CD247: variants seen among roughly 807,000 people sequenced by gnomAD.
The protein encoded by CD247 is T-cell surface glycoprotein CD3 zeta chain.
In CD247, 13 loss-of-function variants were observed where a neutral mutation model predicts 30.0. The ratio of observed to expected loss-of-function variants is 0.43; its 90% CI spans 0.28 to 0.69. The LOEUF (loss-of-function observed/expected upper bound fraction) is 0.69. CD247 is among the 30% of genes least tolerant of loss of function. CD247 has a pLI of 0.16. For missense variants in CD247, 193 were observed against 212.6 expected, an observed-to-expected ratio of 0.91 and a Z score of 0.57; for synonymous variants, 72 against 80.0, an observed-to-expected ratio of 0.90 and a Z score of 0.53.
intron 3 of CD247, among the ~76,000 whole-genome samples, 183 bp from the exon 4 acceptor site, chr1:167,438,833 C>T (rs1179169445): frequency 1.3e-5 from 2 of 152,090 alleles, no homozygotes; most frequent in African/African-American, 4.8e-5. Flanking sequence ...TCAGAGAACA[C>T]GCCTTAACAT....
intron 1 of CD247, among the ~76,000 whole-genome samples, chr1:167,503,817 G>T (rs1472963351): frequency 6.6e-6 from 1 of 151,946 alleles, no homozygotes; most frequent in East Asian, 1.9e-4. Context: ...TACCGGTTAG[G>T]GTGCCAAAGG....
chr1:167,497,019 G>A (rs1394250268), intron 1 of CD247, among the ~76,000 whole-genome samples: 1 of 152,226 alleles, frequency 6.6e-6, no homozygotes, highest in East Asian at 1.9e-4. Flanking sequence ...TGTGAGCACA[G>A]ATGTATGCAC....
intron 1 of CD247, among the ~76,000 whole-genome samples, chr1:167,505,346 A>G (rs1240979140): frequency 1.3e-5 from 2 of 152,146 alleles, no homozygotes; most frequent in African/African-American, 2.4e-5. Context: ...AATACATGGT[A>G]TTTTTGTCAC....
chr1:167,477,464 C>T (rs1653797791), intron 1 of CD247, among the ~76,000 whole-genome samples: 1 of 152,216 alleles, frequency 6.6e-6, no homozygotes, highest in Admixed American at 6.5e-5. Context: ...GAGCTTCCTT[C>T]CTCACTGATC....
intron 5 of CD247, chr1:167,434,899 C>T (rs1208202879): frequency 2.1e-6 from 1 of 468,210 alleles, no homozygotes; most frequent in Admixed American, 2.3e-5. Flanking sequence ...CAACCGCCTT[C>T]CTCTGGAGCC....
intron 6 of CD247, among the ~76,000 whole-genome samples, chr1:167,433,497 A>G (rs549839634): frequency 1.3e-5 from 2 of 152,202 alleles, no homozygotes; most frequent in Non-Finnish European, 2.9e-5. Context: ...ACCTTGGGTA[A>G]GTCACTCAAC....
intron 1 of CD247, among the ~76,000 whole-genome samples, chr1:167,496,877 C>G (rs941441114): frequency 1.3e-5 from 2 of 152,086 alleles, no homozygotes; most frequent in African/African-American, 4.8e-5. Context: ...AGGAGATAGC[C>G]CTGGAACTTA....
chr1:167,448,977 C>T (rs950159511), intron 1 of CD247, among the ~76,000 whole-genome samples: 1 of 152,136 alleles, frequency 6.6e-6, no homozygotes, highest in Non-Finnish European at 1.5e-5. Context: ...TTGTTCAAAA[C>T]TACCTACAAA....
At chr1:167,505,293 G>A (rs979386172) in intron 1 of CD247, among the ~76,000 whole-genome samples, 4 of 152,016 alleles carry the variant, frequency 2.6e-5, no homozygotes, top group Non-Finnish European at 5.9e-5. Context: ...TTGAGATACG[G>A]TTTACATACC....
At chr1:167,441,322 C>T (rs886566067) in intron 1 of CD247, among the ~76,000 whole-genome samples, 15 of 152,216 alleles carry the variant, frequency 9.9e-5, no homozygotes, top group African/African-American at 2.9e-4. Context: ...AGCACTCTCC[C>T]GCCTAGGACA....
At chr1:167,461,271 C>T (rs1372871360) in intron 1 of CD247, among the ~76,000 whole-genome samples, 1 of 152,240 alleles carries the variant, frequency 6.6e-6, no homozygotes, top group Non-Finnish European at 1.5e-5. Context: ...TCCTCAGGAC[C>T]TCTCACCTGG....
intron 1 of CD247, among the ~76,000 whole-genome samples, chr1:167,514,858 G>T (rs1312077400): frequency 6.6e-6 from 1 of 152,148 alleles, no homozygotes; most frequent in Non-Finnish European, 1.5e-5. Flanking sequence ...AGGGCAACTG[G>T]ACCCTTCTAA....
At chr1:167,437,028 C>T (rs1346158390) in intron 4 of CD247, among the ~76,000 whole-genome samples, 1 of 152,168 alleles carries the variant, frequency 6.6e-6, no homozygotes, top group Non-Finnish European at 1.5e-5. Context: ...TCTATACTCC[C>T]ATGTTGATTG....
At chr1:167,432,911 C>A in intron 7 of CD247, 113 bp downstream of exon 7, 1 of 1,190,582 alleles carries the variant, frequency 8.4e-7, no homozygotes, top group South Asian at 1.2e-5. Context: ...TGGGCTTGCC[C>A]TGCCCAGCTG....
chr1:167,518,277 C>T (rs1655703223), intron 1 of CD247, 131 bp downstream of exon 1: 1 of 833,928 alleles, frequency 1.2e-6, no homozygotes, highest in Non-Finnish European at 2.0e-6. Flanking sequence ...GCTCACTTGC[C>T]CATTGATTTG....
intron 1 of CD247, among the ~76,000 whole-genome samples, chr1:167,491,308 C>G (rs1295993768): frequency 3.3e-5 from 5 of 152,214 alleles, no homozygotes; most frequent in Non-Finnish European, 7.3e-5. Context: ...GTGGCTCATG[C>G]CTGTAATCCC....
intron 1 of CD247, among the ~76,000 whole-genome samples, chr1:167,463,748 AT>A (rs1653123638): frequency 6.6e-6 from 1 of 152,194 alleles, no homozygotes; most frequent in Admixed American, 6.5e-5. Flanking sequence ...ATCTACATAG[AT>A]TCATTTTCTA....
chr1:167,515,309 T>G (rs971470177), intron 1 of CD247, among the ~76,000 whole-genome samples: 4 of 152,230 alleles, frequency 2.6e-5, no homozygotes, highest in African/African-American at 9.6e-5. Flanking sequence ...CCCTTTGGCT[T>G]CAGAATCTAG....
intron 1 of CD247, among the ~76,000 whole-genome samples, chr1:167,454,241 C>T (rs571575277): frequency 3.9e-4 from 59 of 152,206 alleles, no homozygotes; most frequent in Non-Finnish European, 7.6e-4. Context: ...TCTGGAGGGC[C>T]GCACACACAA....
Sources: allele counts gnomAD v4.1 joint callset (sites outside exome capture counted in the v4.1 genomes callset), GRCh38; gene constraint gnomAD v4.1.1; transcripts MANE v1.5; gene names NCBI Gene and HGNC (gene_info 2026-07-23, HGNC 2026-07-21).